MRPS6: variants seen among roughly 807,000 people sequenced by gnomAD.
MRPS6 encodes the protein small ribosomal subunit protein bS6m.
MRPS6 carries 6 observed loss-of-function variants against 13.1 expected under a neutral mutation model. The ratio of observed to expected loss-of-function variants is 0.46; its 90% CI spans 0.25 to 0.91. The LOEUF (loss-of-function observed/expected upper bound fraction) is 0.91. MRPS6 is among the 40% of genes least tolerant of loss of function. The pLI, the probability that MRPS6 is intolerant of heterozygous loss-of-function variation, is 0.18. For missense variants in MRPS6, 164 were observed against 155.6 expected (o/e 1.05, Z -0.29); for synonymous variants, 61 against 56.5 (o/e 1.08, Z -0.36).
At chr21:34,098,295 C>T in intron 1 of MRPS6, 1 of 999,996 alleles carries the variant, frequency 1.0e-6, no homozygotes, top group South Asian at 4.7e-5. Flanking sequence ...AAATGCCTTC[C>T]TAGGTGGATC....
chr21:34,107,992 CAT>C (rs1979548469), intron 1 of MRPS6, among the ~76,000 whole-genome samples: 1 of 152,168 alleles, frequency 6.6e-6, no homozygotes, highest in Non-Finnish European at 1.5e-5. Context: ...CATACAGTCA[CAT>C]GTCTTATAAT....
intron 2 of MRPS6, among the ~76,000 whole-genome samples, chr21:34,139,186 T>C (rs1980815643): frequency 1.3e-5 from 1 of 75,422 alleles, no homozygotes; most frequent in Non-Finnish European, 2.4e-5. Context: ...GGGACTGTTG[T>C]GGGGTGGGGG....
At chr21:34,116,673 T>C (rs1315559145) in intron 1 of MRPS6, among the ~76,000 whole-genome samples, 1 of 152,128 alleles carries the variant, frequency 6.6e-6, no homozygotes, top group Non-Finnish European at 1.5e-5. Flanking sequence ...GCTAGTTGAC[T>C]GCCTGGCTCT....
intron 1 of MRPS6, among the ~76,000 whole-genome samples, chr21:34,106,942 G>A (rs557137983): frequency 3.3e-5 from 5 of 150,726 alleles, no homozygotes; most frequent in African/African-American, 1.2e-4. Context: ...TTTTTTTGGC[G>A]GTGGAGGGGA....
intron 1 of MRPS6, among the ~76,000 whole-genome samples, chr21:34,093,869 A>AT (rs1978835581): frequency 6.6e-6 from 1 of 152,170 alleles, no homozygotes; most frequent in Admixed American, 6.5e-5. Context: ...CCTACTGAAG[A>AT]TTTATCTAAT....
intron 1 of MRPS6, among the ~76,000 whole-genome samples, chr21:34,082,675 C>T (rs1315644225): frequency 2.0e-5 from 3 of 152,052 alleles, no homozygotes; most frequent in Non-Finnish European, 4.4e-5. Flanking sequence ...TTATTTTTGA[C>T]CAGGCTTTGT....
intron 1 of MRPS6, chr21:34,103,192 ATG>A: frequency 1.0e-6 from 1 of 999,948 alleles, no homozygotes; most frequent in Non-Finnish European, 1.2e-6. Context: ...TTTGAAATTT[ATG>A]TGTTTGGATT....
intron 1 of MRPS6, among the ~76,000 whole-genome samples, chr21:34,114,060 C>G (rs566597081): frequency 3.3e-4 from 50 of 152,168 alleles, no homozygotes; most frequent in Non-Finnish European, 5.9e-4. Flanking sequence ...CCTTTACTTG[C>G]TGTCATAGTA....
intron 2 of MRPS6, among the ~76,000 whole-genome samples, chr21:34,139,342 A>G (rs954333651): frequency 6.6e-6 from 1 of 152,126 alleles, no homozygotes; most frequent in African/African-American, 2.4e-5. Flanking sequence ...ATAATAAAAA[A>G]AAATTGGTAT....
At chr21:34,130,831 T>C (rs1447136834) in intron 2 of MRPS6, among the ~76,000 whole-genome samples, 1 of 152,238 alleles carries the variant, frequency 6.6e-6, no homozygotes, top group Admixed American at 6.5e-5. Flanking sequence ...TTACGTGCTT[T>C]TCTATAGAAA....
intron 1 of MRPS6, chr21:34,100,187 A>T: frequency 1.0e-6 from 1 of 1,000,246 alleles, no homozygotes; most frequent in Non-Finnish European, 1.2e-6. Context: ...GGTAGAGAAA[A>T]ATAAATGTCT....
chr21:34,085,956 T>A (rs1234876040), intron 1 of MRPS6, among the ~76,000 whole-genome samples: 1 of 152,190 alleles, frequency 6.6e-6, no homozygotes, highest in Non-Finnish European at 1.5e-5. Context: ...TACAATTCCT[T>A]AACACCTCAT....
intron 2 of MRPS6, among the ~76,000 whole-genome samples, chr21:34,139,759 G>A (rs1356815627): frequency 2.0e-5 from 3 of 152,062 alleles, no homozygotes; most frequent in African/African-American, 4.8e-5. Context: ...TGTAGTTTTT[G>A]TGGAGATGAG....
chr21:34,105,586 G>A, intron 1 of MRPS6: 1 of 999,992 alleles, frequency 1.0e-6, no homozygotes, highest in Non-Finnish European at 1.2e-6. Context: ...TAAGAGACCA[G>A]TTAGTACACT....
rs369475528 is a variant in MRPS6, at chr21:34,117,589, T to G, written c.46-7752T>G. On this transcript the variant is annotated intron_variant, in intron 1 of 2. Transcript: ENST00000399312. ...TGCGGCTACCCTTTTGGAGATGGGC[T>G]TCCTAGCGAGCAGCTTGGACATACT... is the stretch of plus-strand genomic sequence containing the variant. Among the ~76,000 whole-genome samples, 29 of 152,308 alleles carry G rather than the reference T, an allele frequency of 1.9e-4. No individual in the cohort carries two copies. In the South Asian group the frequency reaches 3.9e-3, roughly 21 times the overall value.
intron 1 of MRPS6, among the ~76,000 whole-genome samples, chr21:34,087,384 T>G (rs1978445352): frequency 6.6e-6 from 1 of 152,222 alleles, no homozygotes; most frequent in Non-Finnish European, 1.5e-5. Flanking sequence ...AATATTTGAT[T>G]TTTTTATTTA....
intron 1 of MRPS6, among the ~76,000 whole-genome samples, chr21:34,077,273 A>G (rs1401001492): frequency 6.6e-6 from 1 of 152,260 alleles, no homozygotes; most frequent in Non-Finnish European, 1.5e-5. Context: ...TTAGGAAAAA[A>G]ATGAAACTTT....
At chr21:34,106,869 T>C (rs1602942971) in intron 1 of MRPS6, among the ~76,000 whole-genome samples, 1 of 152,334 alleles carries the variant, frequency 6.6e-6, no homozygotes, top group South Asian at 2.1e-4. Context: ...TTAGCTTTTA[T>C]GTCTTTTGCC....
intron 1 of MRPS6, chr21:34,101,836 A>T: frequency 1.0e-6 from 1 of 999,724 alleles, no homozygotes; most frequent in Non-Finnish European, 1.2e-6. Flanking sequence ...TAATAATAAA[A>T]GCACTGTTTT....
Sources: gnomAD v4.1 joint callset for allele counts (sites outside exome capture counted in the v4.1 genomes callset) on GRCh38, gnomAD v4.1.1 for gene constraint, MANE v1.5 for transcripts, NCBI Gene and HGNC (gene_info 2026-07-23, HGNC 2026-07-21) for gene names.